DEPDC5: variants seen among roughly 807,000 people sequenced by gnomAD.
DEPDC5 encodes the protein GATOR1 complex protein DEPDC5.
A neutral mutation model predicts 217.3 loss-of-function variants in DEPDC5; 73 were observed. The observed-to-expected ratio is 0.34, with a 90% CI of 0.28 to 0.41. The LOEUF (loss-of-function observed/expected upper bound fraction) is 0.41. Ranked by LOEUF, DEPDC5 falls within the 10% of genes least tolerant of loss-of-function variation. DEPDC5 has a pLI of 1.00. For missense variants in DEPDC5, 1,675 were observed against 2,070.1 expected (o/e 0.81, Z 3.70); for synonymous variants, 733 against 756.7 (o/e 0.97, Z 0.51).
At chr22:31,891,742 T>A (rs1330227611) in intron 38 of DEPDC5, among the ~76,000 whole-genome samples, 2 of 152,064 alleles carry the variant, frequency 1.3e-5, no homozygotes, top group Non-Finnish European at 2.9e-5. Flanking sequence ...GGTCTGGGGG[T>A]ACATGTTCTC....
intron 25 of DEPDC5, chr22:31,834,184 T>C (rs181446341): frequency 9.8e-6 from 6 of 613,936 alleles, no homozygotes; most frequent in Non-Finnish European, 1.5e-5. Flanking sequence ...ATGACCTGTT[T>C]TGGAAGGTGA....
chr22:31,894,995 T>G (rs1411854520), intron 39 of DEPDC5: 1 of 151,252 alleles, frequency 6.6e-6, no homozygotes, highest in Non-Finnish European at 1.5e-5. Context: ...TACAAAAAAT[T>G]AGCCAGGCGT....
intron 37 of DEPDC5, 21 bp downstream of exon 37, chr22:31,876,286 G>A (rs758851871): frequency 8.1e-6 from 13 of 1,603,712 alleles, no homozygotes; most frequent in African/African-American, 8.0e-5. Flanking sequence ...AGGCGAATGC[G>A]GTTGCCCACA....
At position 31,906,155 on chromosome 22, in the gene DEPDC5, C is replaced by G. The variant is rs2093754338; in HGVS notation, c.4520-50C>G. 1 of 1,613,022 alleles carries G rather than the reference C, an allele frequency of 6.2e-7. No individual in the cohort carries two copies. Among genetic ancestry groups the G allele is most frequent in the Non-Finnish European group, 8.5e-7 (1 of 1,179,342 alleles). ...GGCTGCAGAACCACCTCAGCAGGCT[C>G]CAGGAGCCCTCCTGGTGGCTGCCAC... On this transcript the variant is annotated intron_variant, in intron 42 of 42. Transcript: ENST00000651528. The surrounding 1 kb of genome is among the most constrained non-coding windows in gnomAD (Gnocchi z 5.1).
At chr22:31,847,081 G>C in intron 31 of DEPDC5, 114 bp downstream of exon 31, 1 of 1,458,996 alleles carries the variant, frequency 6.9e-7, no homozygotes, top group African/African-American at 1.4e-5. Context: ...TTGTAATTAG[G>C]GAGAAGGCAT....
chr22:31,843,269 T>G, intron 28 of DEPDC5, 57 bp downstream of exon 28: 2 of 1,522,376 alleles, frequency 1.3e-6, no homozygotes, highest in Non-Finnish European at 1.8e-6. Context: ...GGCCACATAC[T>G]AAATTGTGTG....
chr22:31,843,046 A>G, intron 27 of DEPDC5, 49 bp from the exon 28 acceptor site: 1 of 1,389,618 alleles, frequency 7.2e-7, no homozygotes, highest in Non-Finnish European at 1.0e-6. Flanking sequence ...ATTGTCTGTT[A>G]TAGGAATGAG....
At chr22:31,872,554 AG>A (rs1444763363) in intron 34 of DEPDC5, among the ~76,000 whole-genome samples, 1 of 152,072 alleles carries the variant, frequency 6.6e-6, no homozygotes, top group Non-Finnish European at 1.5e-5. Flanking sequence ...GGTGTTACCT[AG>A]TACTCTGGTC....
chr22:31,827,548 T>G (rs1017105373), intron 24 of DEPDC5, among the ~76,000 whole-genome samples: 4 of 152,116 alleles, frequency 2.6e-5, no homozygotes, highest in African/African-American at 9.7e-5. Context: ...CAAATCAGAG[T>G]GACCTTTATA....
At chr22:31,871,374 T>C (rs148268563) in intron 34 of DEPDC5, among the ~76,000 whole-genome samples, 1 of 152,366 alleles carries the variant, frequency 6.6e-6, no homozygotes, top group African/African-American at 2.4e-5. Context: ...ACCCCTGCCC[T>C]GAGAGCAGAA....
At chr22:31,855,638 A>G (rs1356665325) in intron 31 of DEPDC5, among the ~76,000 whole-genome samples, 2 of 151,986 alleles carry the variant, frequency 1.3e-5, no homozygotes, top group African/African-American at 4.8e-5. Context: ...TCGGCCTCCC[A>G]AAGTGCTGGG....
chr22:31,870,911 A>G (rs764229707), intron 34 of DEPDC5, among the ~76,000 whole-genome samples, 167 bp downstream of exon 34: 1 of 152,214 alleles, frequency 6.6e-6, no homozygotes, highest in Non-Finnish European at 1.5e-5. Context: ...TGATGGGACT[A>G]ATGATCTGTT....
intron 8 of DEPDC5, among the ~76,000 whole-genome samples, chr22:31,780,718 C>T (rs117367634): frequency 0.011 from 1,641 of 152,308 alleles, 10 homozygotes; most frequent in Non-Finnish European, 0.017. Flanking sequence ...TCCATGGCAC[C>T]CTGGATCTGT....
chr22:31,758,205 C>A (rs1216013847), intron 2 of DEPDC5, among the ~76,000 whole-genome samples: 1 of 152,084 alleles, frequency 6.6e-6, no homozygotes, highest in African/African-American at 2.4e-5. Flanking sequence ...CTGTTTTGTT[C>A]CTGTTATATG....
At chr22:31,792,602 T>A in intron 11 of DEPDC5, 143 bp from the exon 12 acceptor site, 1 of 444,946 alleles carries the variant, frequency 2.2e-6, no homozygotes, top group Non-Finnish European at 3.5e-6. Context: ...TGAGACCTTG[T>A]CTCAAAAAAA....
intron 38 of DEPDC5, among the ~76,000 whole-genome samples, chr22:31,892,612 A>G (rs1375747468): frequency 6.6e-6 from 1 of 152,190 alleles, no homozygotes; most frequent in Non-Finnish European, 1.5e-5. Context: ...TGAGCCTGGG[A>G]GGCAGAGGTT....
chr22:31,795,458 A>G (rs2086135319), intron 12 of DEPDC5, among the ~76,000 whole-genome samples: 1 of 151,766 alleles, frequency 6.6e-6, no homozygotes, highest in Admixed American at 6.6e-5. Flanking sequence ...CAGTGGTGCA[A>G]TCTCAACTCA....
At chr22:31,756,194 A>C (rs2081929396) in intron 2 of DEPDC5, among the ~76,000 whole-genome samples, 1 of 152,014 alleles carries the variant, frequency 6.6e-6, no homozygotes, top group Non-Finnish European at 1.5e-5. Flanking sequence ...AGTCTTTTTA[A>C]CATTGTATTT....
chr22:31,866,323 T>C (rs2092687967), intron 33 of DEPDC5, among the ~76,000 whole-genome samples: 1 of 152,150 alleles, frequency 6.6e-6, no homozygotes, highest in Non-Finnish European at 1.5e-5. Context: ...GGATCCAATC[T>C]TGGGTACCAC....
Sources: gnomAD v4.1 joint callset for allele counts (sites outside exome capture counted in the v4.1 genomes callset) on GRCh38, gnomAD v4.1.1 for gene constraint, Gnocchi (gnomAD v3.1) non-coding constraint, MANE v1.5 for transcripts, NCBI Gene and HGNC (gene_info 2026-07-23, HGNC 2026-07-21) for gene names.